Variants in SAMSN1 observed in about 807,000 individuals in gnomAD.
SAMSN1 encodes SAM domain, SH3 domain and nuclear localization signals 1.
A neutral mutation model predicts 42.0 loss-of-function variants in SAMSN1; 31 were observed. The ratio of observed to expected loss-of-function variants is 0.74; its 90% CI spans 0.55 to 1.00. The LOEUF (loss-of-function observed/expected upper bound fraction) is 1.00. Among genes scored for constraint, SAMSN1 ranks in the 50% least tolerant of loss-of-function variants. SAMSN1 has a pLI of 0.00. For missense variants in SAMSN1, 464 were observed against 439.4 expected (o/e 1.06, Z -0.50); for synonymous variants, 178 against 151.9 (o/e 1.17, Z -1.26).
At chr21:14,600,168 C>A (rs1982392221) in intron 6 of SAMSN1, among the ~76,000 whole-genome samples, 2 of 152,092 alleles carry the variant, frequency 1.3e-5, no homozygotes, top group Non-Finnish European at 2.9e-5. Context: ...TGCCATAGTC[C>A]ACTCTTATGC....
intron 1 of SAMSN1, among the ~76,000 whole-genome samples, chr21:14,522,076 CAT>C (rs1315929452): frequency 3.3e-5 from 5 of 152,126 alleles, no homozygotes; most frequent in African/African-American, 1.2e-4. Flanking sequence ...CCACATTTAA[CAT>C]AGAATTACAA....
intron 2 of SAMSN1, among the ~76,000 whole-genome samples, chr21:14,634,778 C>G (rs998923530): frequency 3.9e-5 from 6 of 152,090 alleles, no homozygotes; most frequent in Non-Finnish European, 8.8e-5. Context: ...GATCTGGAAC[C>G]AGAAATACCA....
intron 3 of SAMSN1, chr21:14,613,052 A>T (rs550817628): frequency 2.5e-5 from 12 of 488,540 alleles, no homozygotes; most frequent in Non-Finnish European, 3.7e-5. Context: ...ATGGTCTTGA[A>T]TTTTCCTAAC....
chr21:14,653,369 T>C (rs556195686), intron 1 of SAMSN1, among the ~76,000 whole-genome samples: 1 of 152,080 alleles, frequency 6.6e-6, no homozygotes, highest in South Asian at 2.1e-4. Context: ...CTGGAGATGA[T>C]TATGGTAAGT....
chr21:14,571,900 T>C (rs1981314269), intron 2 of SAMSN1, among the ~76,000 whole-genome samples: 1 of 152,194 alleles, frequency 6.6e-6, no homozygotes, highest in Admixed American at 6.5e-5. Flanking sequence ...TTCAGTGAGT[T>C]AGCTCCAGCT....
intron 2 of SAMSN1, among the ~76,000 whole-genome samples, chr21:14,554,973 A>C (rs1980713060): frequency 6.6e-6 from 1 of 151,978 alleles, no homozygotes; most frequent in African/African-American, 2.4e-5. Flanking sequence ...TGGGATTACA[A>C]GCATGAATCA....
At chr21:14,608,752 C>G (rs1361023912) in intron 5 of SAMSN1, among the ~76,000 whole-genome samples, 2 of 152,156 alleles carry the variant, frequency 1.3e-5, no homozygotes, top group African/African-American at 4.8e-5. Flanking sequence ...ACTAGGCAAA[C>G]TCCTAAGGTT....
chr21:14,658,921 A>G (rs553798892), upstream of SAMSN1: 15 of 618,798 alleles, frequency 2.4e-5, no homozygotes, highest in East Asian at 1.7e-4. Context: ...TTCAGAGACC[A>G]TTATCAAATA....
chr21:14,643,763 G>A (rs1983650895), intron 1 of SAMSN1, among the ~76,000 whole-genome samples: 1 of 152,148 alleles, frequency 6.6e-6, no homozygotes, highest in Non-Finnish European at 1.5e-5. Flanking sequence ...CACTAAAAGA[G>A]GCACTGAAGA....
chr21:14,549,314 A>T (rs1980524625), upstream of SAMSN1, among the ~76,000 whole-genome samples: 1 of 152,186 alleles, frequency 6.6e-6, no homozygotes, highest in Non-Finnish European at 1.5e-5. Flanking sequence ...TGAAGAATAC[A>T]ATTAGATAGT....
chr21:14,525,439 T>A (rs934298975), intron 1 of SAMSN1, among the ~76,000 whole-genome samples: 10 of 152,080 alleles, frequency 6.6e-5, no homozygotes, highest in Non-Finnish European at 1.3e-4. Context: ...CAAATCAATA[T>A]AAAAAAATTT....
intron 4 of SAMSN1, among the ~76,000 whole-genome samples, chr21:14,512,222 T>C (rs1046928399): frequency 1.3e-5 from 2 of 152,214 alleles, no homozygotes; most frequent in Non-Finnish European, 2.9e-5. Context: ...AGGAGCCCCG[T>C]TGACTACAGT....
At chr21:14,567,496 T>C (rs923141547) in intron 2 of SAMSN1, among the ~76,000 whole-genome samples, 1 of 152,190 alleles carries the variant, frequency 6.6e-6, no homozygotes, top group African/African-American at 2.4e-5. Flanking sequence ...CCACAATTTA[T>C]GAAAAGTCCC....
intron 2 of SAMSN1, among the ~76,000 whole-genome samples, chr21:14,617,266 T>A (rs1982863317): frequency 6.6e-6 from 1 of 152,174 alleles, no homozygotes; most frequent in Non-Finnish European, 1.5e-5. Flanking sequence ...GGACCACTCC[T>A]TCCATTCTCT....
chr21:14,562,189 A>T lies in SAMSN1; in HGVS notation c.261+19947T>A, dbSNP rs368630704. Among the ~76,000 whole-genome samples, 383 of 152,310 alleles carry T rather than the reference A, an allele frequency of 2.5e-3. 1 individual carries two copies. Among genetic ancestry groups the T allele is most frequent in the African/African-American group, 8.8e-3 (367 of 41,580 alleles). On this transcript the variant is annotated intron_variant, in intron 2 of 8. Coordinates refer to the SAMSN1 transcript ENST00000285670. ...AAGCAAGAGAGGGACACAGTTAGATATGTGGTTAGATAAAAGGCACTGGCT... is the reference window on the plus strand; with the variant it reads ...AAGCAAGAGAGGGACACAGTTAGATTTGTGGTTAGATAAAAGGCACTGGCT...
intron 5 of SAMSN1, among the ~76,000 whole-genome samples, chr21:14,606,275 T>C (rs1417811633): frequency 1.3e-5 from 2 of 152,230 alleles, no homozygotes; most frequent in Non-Finnish European, 2.9e-5. Flanking sequence ...CCCAGCTTTT[T>C]CTTGTGGAAT....
Position 14,609,499 on chromosome 21 carries a change from C to A in SAMSN1, c.305G>T (p.Arg102Met), listed in dbSNP as rs1466518501. Reference sequence around the variant, plus strand: ...GCAATTACCTTTTAGCTGACAGGGCCTTCTGATGTGGGAATCATTCTTATG... The same window carrying A: ...GCAATTACCTTTTAGCTGACAGGGCATTCTGATGTGGGAATCATTCTTATG... The change falls in exon 5 of 16, where the codon AGG becomes ATG. Residue 102 changes from arginine to methionine, a missense_variant. Transcript: ENST00000647101. 3 of 718,028 alleles carry A rather than the reference C, an allele frequency of 4.2e-6. No homozygotes were observed. In the Admixed American group the frequency reaches 6.0e-5, roughly 14 times the overall value. The allele number at this position is 718,028 out of a possible 1,614,324, so 44.5% of individuals were successfully genotyped here. A position where few individuals can be genotyped will look rare whatever the true frequency, so the allele number is the denominator to read the frequency against.
intron 2 of SAMSN1, among the ~76,000 whole-genome samples, chr21:14,633,907 C>G (rs1983395716): frequency 6.6e-6 from 1 of 152,070 alleles, no homozygotes; most frequent in Non-Finnish European, 1.5e-5. Flanking sequence ...GTCTTTAAAA[C>G]TATGCTTGAA....
upstream of SAMSN1, among the ~76,000 whole-genome samples, chr21:14,550,994 A>G (rs1296737782): frequency 1.3e-5 from 2 of 152,084 alleles, no homozygotes; most frequent in South Asian, 2.1e-4. Context: ...TGTCTATAGG[A>G]GACAAAGGCA....
Sources: gnomAD v4.1 joint callset for allele counts (sites outside exome capture counted in the v4.1 genomes callset) on GRCh38, gnomAD v4.1.1 for gene constraint, MANE v1.5 for transcripts, NCBI Gene and HGNC (gene_info 2026-07-23, HGNC 2026-07-21) for gene names.